Variants in GFOD1 observed in about 807,000 individuals in gnomAD.
GFOD1 encodes glucose-fructose oxidoreductase domain-containing protein 1.
GFOD1 carries 9 observed loss-of-function variants against 25.4 expected under a neutral mutation model. The observed-to-expected ratio is 0.35, with a 90% CI of 0.21 to 0.62. The LOEUF is 0.62. GFOD1 is among the 20% of genes least tolerant of loss of function. The probability of loss-of-function intolerance (pLI) is 0.72; values close to 1 mark genes in which losing one functional copy is unlikely to be tolerated. For synonymous variants in GFOD1, 253 were observed against 245.6 expected, an observed-to-expected ratio of 1.03 and a Z score of -0.28; for missense variants, 403 against 556.9, an observed-to-expected ratio of 0.72 and a Z score of 2.78.
At chr6:13,372,021 A>G (rs190978063) in intron 1 of GFOD1, among the ~76,000 whole-genome samples, 1 of 152,350 alleles carries the variant, frequency 6.6e-6, no homozygotes, top group Admixed American at 6.5e-5. Context: ...TTGTGTGAGA[A>G]CAAAGAGCTA....
intron 1 of GFOD1, among the ~76,000 whole-genome samples, chr6:13,382,830 C>T (rs968637907): frequency 5.3e-5 from 8 of 152,144 alleles, no homozygotes; most frequent in African/African-American, 1.7e-4. Context: ...CAACCCTACT[C>T]CCCAACAGGC....
intron 1 of GFOD1, among the ~76,000 whole-genome samples, chr6:13,476,738 G>C (rs1273017491): frequency 3.3e-5 from 5 of 152,170 alleles, no homozygotes; most frequent in Non-Finnish European, 7.3e-5. Flanking sequence ...ATTAAAATTA[G>C]AGACTGGAAA....
chr6:13,394,466 ATTTTTTTTTTTTTT>A (rs70989855), intron 1 of GFOD1, among the ~76,000 whole-genome samples: 1 of 75,916 alleles, frequency 1.3e-5, no homozygotes, highest in Non-Finnish European at 2.3e-5. Flanking sequence ...TACCCTTTGA[ATTTTTTTTTTTTTT>A]TTTTTTTTTT....
At chr6:13,450,384 G>A (rs1337948940) in intron 1 of GFOD1, among the ~76,000 whole-genome samples, 2 of 152,156 alleles carry the variant, frequency 1.3e-5, no homozygotes, top group African/African-American at 4.8e-5. Flanking sequence ...AGTGTGTTTG[G>A]GGTCTCCAAG....
intron 1 of GFOD1, among the ~76,000 whole-genome samples, chr6:13,386,234 C>T (rs781012645): frequency 6.6e-6 from 1 of 152,058 alleles, no homozygotes; most frequent in Non-Finnish European, 1.5e-5. Context: ...TCAGAATCCT[C>T]GGTTCCCTTG....
chr6:13,435,154 A>C (rs1757813717), intron 1 of GFOD1, among the ~76,000 whole-genome samples: 1 of 152,164 alleles, frequency 6.6e-6, no homozygotes, highest in Non-Finnish European at 1.5e-5. Context: ...CCTACCCGGG[A>C]ACAGAGTGCT....
chr6:13,437,801 AATCAT>A (rs1757856662), intron 1 of GFOD1, among the ~76,000 whole-genome samples: 1 of 152,234 alleles, frequency 6.6e-6, no homozygotes, highest in Admixed American at 6.5e-5. Flanking sequence ...ACCAGACAGA[AATCAT>A]TACTGGTGCA....
chr6:13,420,497 A>G (rs1786237714), intron 1 of GFOD1, among the ~76,000 whole-genome samples: 1 of 152,208 alleles, frequency 6.6e-6, no homozygotes, highest in African/African-American at 2.4e-5. Context: ...GCGGAAGAGA[A>G]AAGCAGGGGA....
chr6:13,387,225 T>C (rs368606541), intron 1 of GFOD1, among the ~76,000 whole-genome samples: 5 of 152,152 alleles, frequency 3.3e-5, no homozygotes, highest in East Asian at 3.9e-4. Flanking sequence ...AGCAGCAACA[T>C]AGAGCAATGC....
chr6:13,362,837 A>G lies in GFOD1; in HGVS notation c.*1906T>C, dbSNP rs1784968447. ...AAGAATATTGACCCTAGGGAGGACAATGAAGGATGCAACTGATTGGGCTGT... is the reference window on the plus strand; with the variant it reads ...AAGAATATTGACCCTAGGGAGGACAGTGAAGGATGCAACTGATTGGGCTGT... On this transcript the variant is annotated 3_prime_UTR_variant, in exon 2 of 2. Transcript: ENST00000379287. The G allele has an allele frequency of 1.3e-5, 2 of 152,240 alleles. No individual in the cohort carries two copies. Among genetic ancestry groups the G allele is most frequent in the African/African-American group, 4.8e-5 (2 of 41,460 alleles). The allele number at this position is 152,240 out of a possible 1,614,324, so 9.4% of individuals were successfully genotyped here. A position where few individuals can be genotyped will look rare whatever the true frequency, so the allele number is the denominator to read the frequency against.
intron 1 of GFOD1, among the ~76,000 whole-genome samples, chr6:13,369,775 T>C (rs1785113705): frequency 6.6e-6 from 1 of 152,210 alleles, no homozygotes; most frequent in Non-Finnish European, 1.5e-5. Flanking sequence ...ATGATGCTTA[T>C]GGAGACTTTT....
At chr6:13,450,349 C>A (rs868681323) in intron 1 of GFOD1, among the ~76,000 whole-genome samples, 1 of 152,216 alleles carries the variant, frequency 6.6e-6, no homozygotes, top group African/African-American at 2.4e-5. Flanking sequence ...TCTTCACTTG[C>A]GCTTAGTCAC....
chr6:13,373,797 G>C (rs1346836854), intron 1 of GFOD1, among the ~76,000 whole-genome samples: 1 of 124,412 alleles, frequency 8.0e-6, no homozygotes, highest in African/African-American at 3.5e-5. Context: ...TTTTTTTGAA[G>C]TTAGAAACTG....
chr6:13,437,472 G>A (rs748412492), intron 1 of GFOD1, among the ~76,000 whole-genome samples: 8 of 152,174 alleles, frequency 5.3e-5, no homozygotes, highest in Admixed American at 1.3e-4. Flanking sequence ...TGTGACCACT[G>A]AGGACTTGAA....
At chr6:13,480,339 A>G (rs768644277) in intron 1 of GFOD1, among the ~76,000 whole-genome samples, 4 of 152,188 alleles carry the variant, frequency 2.6e-5, no homozygotes, top group African/African-American at 4.8e-5. Flanking sequence ...CACATTCCAC[A>G]CAAGGCAACA....
At chr6:13,393,368 C>CAA (rs70989853) in intron 1 of GFOD1, among the ~76,000 whole-genome samples, 1,480 of 72,260 alleles carry the variant, frequency 0.02, 14 homozygotes, top group African/African-American at 0.06. Flanking sequence ...AAACAACCAC[C>CAA]AAAAAAAAAA....
intron 1 of GFOD1, among the ~76,000 whole-genome samples, chr6:13,442,176 T>C (rs1168582832): frequency 6.6e-6 from 1 of 152,230 alleles, no homozygotes; most frequent in Non-Finnish European, 1.5e-5. Flanking sequence ...ATGCTGAACA[T>C]TGTATGTGAG....
At position 13,430,296 on chromosome 6, in the gene GFOD1, G is replaced by T. The variant is rs1275084341; in HGVS notation, c.253+56342C>A. 6.6e-6 allele frequency among the ~76,000 whole-genome samples: 1 copy of T among 152,068 alleles called. No individual in the cohort carries two copies. Among genetic ancestry groups the T allele is most frequent in the Non-Finnish European group, 1.5e-5 (1 of 68,028 alleles). On this transcript the variant is annotated intron_variant, in intron 1 of 1. Transcript: ENST00000379287. The surrounding 1 kb of genome is among the most constrained non-coding windows in gnomAD (Gnocchi z 4.1). ...TACTAAAAATACAAAAATTAGCCGG[G>T]CATGGTGGCACACATCTATAATCCC...
rs529464272 is a variant in GFOD1, at chr6:13,428,023, G to A, written c.253+58615C>T. Among the ~76,000 whole-genome samples, 7 of 152,242 alleles carry A rather than the reference G, an allele frequency of 4.6e-5. No homozygotes were observed. In the East Asian group the frequency reaches 1.4e-3, roughly 29 times the overall value. ...TTTCAAACACCTCCACGCCTGGCTGGGCACAAAGGCCTGACAGTGCCCCGA... is the reference window on the plus strand; with the variant it reads ...TTTCAAACACCTCCACGCCTGGCTGAGCACAAAGGCCTGACAGTGCCCCGA... On this transcript the variant is annotated intron_variant, in intron 1 of 1. Coordinates refer to ENST00000379287, the MANE Select transcript of GFOD1 (RefSeq NM_018988.4).
Sources: gnomAD v4.1 joint callset for allele counts (sites outside exome capture counted in the v4.1 genomes callset) on GRCh38, gnomAD v4.1.1 for gene constraint, Gnocchi (gnomAD v3.1) non-coding constraint, MANE v1.5 for transcripts, NCBI Gene and HGNC (gene_info 2026-07-23, HGNC 2026-07-21) for gene names.